The following LYPLAL1 variants were observed in gnomAD, a reference collection of about 807,000 sequenced individuals.
The protein encoded by LYPLAL1 is lysophospholipase-like protein 1.
A neutral mutation model predicts 19.7 loss-of-function variants in LYPLAL1; 23 were observed. The ratio of observed to expected loss-of-function variants is 1.17; its 90% confidence interval spans 0.84 to 1.65. The LOEUF is 1.65. Ranked by LOEUF, LYPLAL1 falls within the 40% of genes most tolerant of loss-of-function variation. The pLI, the probability that LYPLAL1 is intolerant of heterozygous loss-of-function variation, is 0.00. For missense variants in LYPLAL1, 355 were observed against 279.4 expected, an observed-to-expected ratio of 1.27 and a Z score of -1.93; for synonymous variants, 119 against 96.3, an observed-to-expected ratio of 1.24 and a Z score of -1.38.
At chr1:219,262,216 A>G in the LYPLAL1 span, among the ~76,000 whole-genome samples, 1 of 151,694 alleles carries the variant, frequency 6.6e-6, no homozygotes, top group Non-Finnish European at 1.5e-5. Context: ...TTTTTTCTTT[A>G]TGATATCTAT....
the LYPLAL1 span, among the ~76,000 whole-genome samples, chr1:219,218,040 A>C: frequency 2.6e-5 from 4 of 151,946 alleles, no homozygotes; most frequent in Admixed American, 1.3e-4. Context: ...TTACTTTATA[A>C]TCCTTAAAGA....
At chr1:219,192,472 C>T (rs577298569) in intron 2 of LYPLAL1, among the ~76,000 whole-genome samples, 2 of 151,700 alleles carry the variant, frequency 1.3e-5, no homozygotes, top group South Asian at 4.1e-4. Context: ...CACTCTGTTT[C>T]TCATCATTAC....
chr1:219,309,652 A>G, the LYPLAL1 span, among the ~76,000 whole-genome samples: 2 of 152,064 alleles, frequency 1.3e-5, no homozygotes, highest in African/African-American at 2.4e-5. Flanking sequence ...CTGCTTTTGC[A>G]TCTTCCTCAT....
chr1:219,333,059 T>G, the LYPLAL1 span, among the ~76,000 whole-genome samples: 1 of 152,150 alleles, frequency 6.6e-6, no homozygotes, highest in East Asian at 1.9e-4. Context: ...CAATGACTGG[T>G]CATGTCCCTC....
At chr1:219,239,738 A>G in the LYPLAL1 span, among the ~76,000 whole-genome samples, 2 of 152,240 alleles carry the variant, frequency 1.3e-5, no homozygotes, top group African/African-American at 4.8e-5. Flanking sequence ...GTATGCTGCT[A>G]GAATACATCA....
the LYPLAL1 span, among the ~76,000 whole-genome samples, chr1:219,429,198 AC>A: frequency 6.6e-6 from 1 of 152,128 alleles, no homozygotes; most frequent in Admixed American, 6.6e-5. Flanking sequence ...AGAGCAGGAA[AC>A]TCGAGGAGGA....
At chr1:219,257,315 T>A in the LYPLAL1 span, among the ~76,000 whole-genome samples, 3 of 151,088 alleles carry the variant, frequency 2.0e-5, no homozygotes. Context: ...TTAATTGCTA[T>A]AAAATCTACT....
chr1:219,378,850 C>CT, the LYPLAL1 span, among the ~76,000 whole-genome samples: 3 of 152,070 alleles, frequency 2.0e-5, no homozygotes, highest in African/African-American at 7.2e-5. Context: ...TTAATTGGAA[C>CT]TTTAATAGAG....
the LYPLAL1 span, among the ~76,000 whole-genome samples, chr1:219,259,079 T>G: frequency 6.6e-6 from 1 of 151,714 alleles, no homozygotes; most frequent in Non-Finnish European, 1.5e-5. Flanking sequence ...ACCTTACTCC[T>G]GCAAAAATGG....
chr1:219,176,183 G>A (rs1403278919), intron 1 of LYPLAL1, among the ~76,000 whole-genome samples: 2 of 152,078 alleles, frequency 1.3e-5, no homozygotes, highest in Non-Finnish European at 2.9e-5. Context: ...TACTAAAGAC[G>A]GACCTTCTTT....
At chr1:219,423,866 C>A in the LYPLAL1 span, among the ~76,000 whole-genome samples, 11 of 151,472 alleles carry the variant, frequency 7.3e-5, no homozygotes, top group African/African-American at 2.7e-4. Flanking sequence ...CCTTCTGGAT[C>A]CTTAGAGGTT....
At chr1:219,339,513 A>G in the LYPLAL1 span, among the ~76,000 whole-genome samples, 5 of 152,106 alleles carry the variant, frequency 3.3e-5, no homozygotes, top group South Asian at 4.1e-4. Flanking sequence ...TACACAATTT[A>G]CACAAATATG....
the LYPLAL1 span, among the ~76,000 whole-genome samples, chr1:219,239,269 C>T: frequency 6.6e-6 from 1 of 152,126 alleles, no homozygotes; most frequent in Non-Finnish European, 1.5e-5. Context: ...CTGAACAAAG[C>T]CCAGATGTGC....
At chr1:219,369,414 G>T in the LYPLAL1 span, among the ~76,000 whole-genome samples, 1 of 152,200 alleles carries the variant, frequency 6.6e-6, no homozygotes, top group African/African-American at 2.4e-5. Context: ...TGGGATTACA[G>T]GCATGCATCA....
chr1:219,246,127 G>A, the LYPLAL1 span, among the ~76,000 whole-genome samples: 1 of 151,966 alleles, frequency 6.6e-6, no homozygotes, highest in Non-Finnish European at 1.5e-5. Context: ...TCCTGGTTTT[G>A]TGCCCCATCT....
At chr1:219,306,822 A>AGAT in the LYPLAL1 span, among the ~76,000 whole-genome samples, 4 of 99,734 alleles carry the variant, frequency 4.0e-5, no homozygotes, top group African/African-American at 1.8e-4. Context: ...ATAGATAGAT[A>AGAT]GATAGATAGA....
chr1:219,350,649 A>C, the LYPLAL1 span, among the ~76,000 whole-genome samples: 1 of 152,352 alleles, frequency 6.6e-6, no homozygotes, highest in South Asian at 2.1e-4. Flanking sequence ...ATTTGGCAAC[A>C]GTGGAGGCTG....
chr1:219,178,857 C>T lies in LYPLAL1; in HGVS notation c.92-290C>T, dbSNP rs184726833. Among the ~76,000 whole-genome samples the T allele has an allele frequency of 4.7e-3, 718 of 151,316 alleles. 6 individuals are homozygous for T. The highest frequency in any genetic ancestry group is 0.018 in the Middle Eastern group (5 of 282). Reference sequence around the variant, plus strand: ...AGAAAAATCAATTTATTTATTTATTCCTGTACTACCCACTAAACAAATTAG... The same window carrying T: ...AGAAAAATCAATTTATTTATTTATTTCTGTACTACCCACTAAACAAATTAG... On this transcript the variant is annotated intron_variant, in intron 1 of 4. Coordinates refer to ENST00000366928, the MANE Select transcript of LYPLAL1 (RefSeq NM_138794.5).
At chr1:219,389,329 G>A in the LYPLAL1 span, among the ~76,000 whole-genome samples, 1 of 152,106 alleles carries the variant, frequency 6.6e-6, no homozygotes, top group Non-Finnish European at 1.5e-5. Context: ...CAAGAGTATG[G>A]GGAAGGCCTG....
Sources: allele counts gnomAD v4.1 joint callset (sites outside exome capture counted in the v4.1 genomes callset), GRCh38; gene constraint gnomAD v4.1.1; transcripts MANE v1.5; gene names NCBI Gene and HGNC (gene_info 2026-07-23, HGNC 2026-07-21).